AGAP1: variants seen among roughly 807,000 people sequenced by gnomAD.
AGAP1 encodes arf-GAP with GTPase, ANK repeat and PH domain-containing protein 1.
In AGAP1, 29 loss-of-function variants were observed where a neutral mutation model predicts 105.3. The observed-to-expected ratio is 0.28, with a 90% CI of 0.21 to 0.38. The LOEUF (loss-of-function observed/expected upper bound fraction) is 0.38. Among genes scored for constraint, AGAP1 ranks in the 10% least tolerant of loss-of-function variants. AGAP1 has a pLI of 1.00. For missense variants in AGAP1, 998 were observed against 1,165.1 expected (o/e 0.86, Z 2.09); for synonymous variants, 509 against 485.9 (o/e 1.05, Z -0.63).
At chr2:235,538,460 T>TGTGTGCGC (rs1553561884) in intron 1 of AGAP1, among the ~76,000 whole-genome samples, 1 of 150,446 alleles carries the variant, frequency 6.6e-6, no homozygotes, top group African/African-American at 2.5e-5. Context: ...TGTGTGTGTG[T>TGTGTGCGC]GCATGCTTGT....
intron 1 of AGAP1, among the ~76,000 whole-genome samples, chr2:235,686,093 C>CT (rs1949366352): frequency 6.6e-6 from 1 of 152,100 alleles, no homozygotes; most frequent in Non-Finnish European, 1.5e-5. Flanking sequence ...TGAATTTTCC[C>CT]TTTAGCTTAG....
Position 235,632,697 on chromosome 2 carries a change from C to G in AGAP1, c.164-76482C>G, listed in dbSNP as rs77093148. Among the ~76,000 whole-genome samples the G allele has an allele frequency of 6.1e-3, 923 of 152,324 alleles. 10 individuals are homozygous for G. The highest frequency in any genetic ancestry group is 0.021 in the African/African-American group (870 of 41,564). ...CCCTCTGGGGACCACGGTTCTGTCA[C>G]CTCTCCTGCTATTTAGGTGGCCGTG... On this transcript the variant is annotated intron_variant, in intron 1 of 17. Transcript: ENST00000304032.
At position 236,062,940 on chromosome 2, in the gene AGAP1, A is replaced by G. The variant is rs1362545509; in HGVS notation, c.2114+13659A>G. Among the ~76,000 whole-genome samples, 3 of 151,988 alleles carry G rather than the reference A, an allele frequency of 2.0e-5. No individual in the cohort carries two copies. Among genetic ancestry groups the G allele is most frequent in the African/African-American group, 4.8e-5 (2 of 41,384 alleles). The stretch of plus-strand genomic sequence containing the variant: ...CTCCCAGAGTGCTGGGATTACAAGT[A>G]TGAGCCACCGTGCCTGGCCATCAGC... On this transcript the variant is annotated intron_variant, in intron 16 of 17. Coordinates refer to ENST00000304032, the MANE Select transcript of AGAP1 (RefSeq NM_001037131.3). The surrounding 1 kb of genome is among the most constrained non-coding windows in gnomAD (Gnocchi z 4.2).
chr2:235,827,687 G>A (rs1959146195), intron 9 of AGAP1, among the ~76,000 whole-genome samples: 1 of 152,152 alleles, frequency 6.6e-6, no homozygotes, highest in African/African-American at 2.4e-5. Context: ...AACATCCACG[G>A]CTGAATCGTC....
At position 235,891,149 on chromosome 2, in the gene AGAP1, C is replaced by T. The variant is rs2124910626; in HGVS notation, c.1155+7700C>T. Among the ~76,000 whole-genome samples, 1 of 152,206 alleles carries T rather than the reference C, an allele frequency of 6.6e-6. No homozygotes were observed. The highest frequency in any genetic ancestry group is 6.5e-5 in the Admixed American group (1 of 15,284). ...TTTCATAGCTAACATCAGGGAAGTC[C>T]CAGGCAATCTGGGACCTGGCCGCAC... On this transcript the variant is annotated intron_variant, in intron 10 of 17. Transcript: ENST00000304032. This position sits in a 1 kb window ranked among gnomAD's most constrained non-coding sequence, Gnocchi z 4.2.
Position 235,915,780 on chromosome 2 carries a change from G to GT in AGAP1, c.1324+6874_1324+6875insT, listed in dbSNP as rs143528408. Among the ~76,000 whole-genome samples the GT allele has an allele frequency of 1.1e-3, 164 of 152,356 alleles. 1 individual carries two copies. Among genetic ancestry groups the GT allele is most frequent in the African/African-American group, 3.8e-3 (160 of 41,604 alleles). ...AAATACTGTAAAGAACGTGGCTAAA[G>GT]ACATGTTGGTAGTCAAAGATGTAAC... On this transcript the variant is annotated intron_variant, in intron 11 of 17. Transcript: ENST00000304032.
At chr2:235,558,191 G>A (rs1200191078) in intron 1 of AGAP1, among the ~76,000 whole-genome samples, 5 of 152,286 alleles carry the variant, frequency 3.3e-5, no homozygotes, top group Non-Finnish European at 5.9e-5. Context: ...ACTCGGTTCC[G>A]CATGGGCTGT....
chr2:235,496,829 T>G (rs534929431), intron 1 of AGAP1, among the ~76,000 whole-genome samples: 1 of 152,162 alleles, frequency 6.6e-6, no homozygotes, highest in African/African-American at 2.4e-5. Context: ...CCTTTGCGAT[T>G]TGAGATTTTA....
intron 16 of AGAP1, among the ~76,000 whole-genome samples, chr2:236,093,909 A>G (rs2059125453): frequency 6.6e-6 from 1 of 152,208 alleles, no homozygotes; most frequent in Non-Finnish European, 1.5e-5. Flanking sequence ...TTCTCTGAGA[A>G]ACATATAAAA....
intron 2 of AGAP1, among the ~76,000 whole-genome samples, chr2:235,715,033 A>G (rs1459944686): frequency 1.3e-5 from 2 of 151,978 alleles, no homozygotes; most frequent in Non-Finnish European, 1.5e-5. Context: ...TCCTGACTTC[A>G]TGATCTGCCC....
chr2:236,031,764 G>A (rs970874153), intron 13 of AGAP1, among the ~76,000 whole-genome samples: 1 of 152,014 alleles, frequency 6.6e-6, no homozygotes, highest in Non-Finnish European at 1.5e-5. Flanking sequence ...CCCAGAACAG[G>A]TGTCATCCCT....
Position 236,035,460 on chromosome 2 carries a change from A to G in AGAP1, c.1646-1101A>G, listed in dbSNP as rs549964463. Among the ~76,000 whole-genome samples, 1 of 152,232 alleles carries G rather than the reference A, an allele frequency of 6.6e-6. No homozygotes were observed. The highest frequency in any genetic ancestry group is 1.9e-4 in the East Asian group (1 of 5,152). On this transcript the variant is annotated intron_variant, in intron 13 of 17. Coordinates refer to ENST00000304032, the MANE Select transcript of AGAP1 (RefSeq NM_001037131.3). The surrounding 1 kb of genome is among the most constrained non-coding windows in gnomAD (Gnocchi z 4.2). ...ACCAGCCTAGGGAGACACCATCTCT[A>G]CAAAAAATGTCTAACAATTGGCCAG...
rs569925096 is a variant in AGAP1, at chr2:235,979,179, C to T, written c.1645+10556C>T. Among the ~76,000 whole-genome samples, 17 of 149,870 alleles carry T rather than the reference C, an allele frequency of 1.1e-4. No individual in the cohort carries two copies. The highest frequency in any genetic ancestry group is 3.4e-3 in the Middle Eastern group (1 of 292). Reference sequence around the variant, plus strand: ...TGGGATATGATCTCACTGTGTTGTCCGGGCTAGTCTCAAATCCCTGGTCTC... The same window carrying T: ...TGGGATATGATCTCACTGTGTTGTCTGGGCTAGTCTCAAATCCCTGGTCTC... On this transcript the variant is annotated intron_variant, in intron 13 of 17. Coordinates refer to ENST00000304032, the MANE Select transcript of AGAP1 (RefSeq NM_001037131.3). This position sits in a 1 kb window ranked among gnomAD's most constrained non-coding sequence, Gnocchi z 4.5.
Position 235,992,024 on chromosome 2 carries a change from G to A in AGAP1, c.1645+23401G>A, listed in dbSNP as rs1000761979. On this transcript the variant is annotated intron_variant, in intron 13 of 17. Coordinates refer to ENST00000304032, the MANE Select transcript of AGAP1 (RefSeq NM_001037131.3). The surrounding 1 kb of genome is among the most constrained non-coding windows in gnomAD (Gnocchi z 4.8). ...ATTTCTCTCTCATCTGTGAAGGCCC[G>A]TTGAGACTGCTCAGTTGGTGTCTCC... Among the ~76,000 whole-genome samples the A allele has an allele frequency of 2.0e-5, 3 of 152,322 alleles. No homozygotes were observed. The highest frequency in any genetic ancestry group is 2.1e-4 in the South Asian group (1 of 4,826).
At chr2:235,798,769 T>G (rs931402617) in intron 7 of AGAP1, among the ~76,000 whole-genome samples, 1 of 149,490 alleles carries the variant, frequency 6.7e-6, no homozygotes, top group Non-Finnish European at 1.5e-5. Flanking sequence ...CTTGGGAGGC[T>G]GAGGTGGGGG....
Position 235,801,725 on chromosome 2 carries a change from C to T in AGAP1, c.957+2203C>T, listed in dbSNP as rs1432674654. ...GGCTGTGGGCAGGCGGCCTGTGCCC[C>T]GGGAGGAGGGGCGGGCTTGTCATCG... On this transcript the variant is annotated intron_variant, in intron 8 of 17. Coordinates refer to ENST00000304032, the MANE Select transcript of AGAP1 (RefSeq NM_001037131.3). This position sits in a 1 kb window ranked among gnomAD's most constrained non-coding sequence, Gnocchi z 6.0. 6.6e-6 allele frequency among the ~76,000 whole-genome samples: 1 copy of T among 152,122 alleles called. No homozygotes were observed. Among genetic ancestry groups the T allele is most frequent in the African/African-American group, 2.4e-5 (1 of 41,526 alleles).
Position 235,615,433 on chromosome 2 carries a change from T to G in AGAP1, c.164-93746T>G, listed in dbSNP as rs1308267041. On this transcript the variant is annotated intron_variant, in intron 1 of 17. Transcript: ENST00000304032. This position sits in a 1 kb window ranked among gnomAD's most constrained non-coding sequence, Gnocchi z 5.0. ...TTCTTTACTCACAGCCTGAGCTATT[T>G]TTTTTCAAAGCATTATCTCTCTACT... 1.3e-5 allele frequency among the ~76,000 whole-genome samples: 2 copies of G among 152,258 alleles called. No homozygotes were observed. Among genetic ancestry groups the G allele is most frequent in the Non-Finnish European group, 2.9e-5 (2 of 68,044 alleles).
At chr2:235,570,954 G>A (rs1344210289) in intron 1 of AGAP1, among the ~76,000 whole-genome samples, 1 of 152,204 alleles carries the variant, frequency 6.6e-6, no homozygotes, top group Non-Finnish European at 1.5e-5. Flanking sequence ...CTGGCTCACA[G>A]TTCTGCAGGC....
chr2:235,761,825 A>T (rs533165142), intron 6 of AGAP1, among the ~76,000 whole-genome samples: 43 of 152,124 alleles, frequency 2.8e-4, no homozygotes, highest in Non-Finnish European at 5.0e-4. Flanking sequence ...ATATGGACAT[A>T]GGCCGGGCGC....
Sources: gnomAD v4.1 joint callset for allele counts (sites outside exome capture counted in the v4.1 genomes callset) on GRCh38, gnomAD v4.1.1 for gene constraint, Gnocchi (gnomAD v3.1) non-coding constraint, MANE v1.5 for transcripts, NCBI Gene and HGNC (gene_info 2026-07-23, HGNC 2026-07-21) for gene names.